Variants in DEPDC5 observed in about 807,000 individuals in gnomAD.
DEPDC5 encodes DEP domain containing 5, GATOR1 subcomplex subunit.
In DEPDC5, 73 loss-of-function variants were observed where a neutral mutation model predicts 217.3. That is an observed-to-expected ratio of 0.34 (90% CI 0.28 to 0.41). The LOEUF (loss-of-function observed/expected upper bound fraction) is 0.41, where lower values mean the gene tolerates loss of function less well. Ranked by LOEUF, DEPDC5 falls within the 10% of genes least tolerant of loss-of-function variation. The pLI, the probability that DEPDC5 is intolerant of heterozygous loss-of-function variation, is 1.00. For missense variants in DEPDC5, 1,675 were observed against 2,070.1 expected (o/e 0.81, Z 3.70); for synonymous variants, 733 against 756.7 (o/e 0.97, Z 0.51).
rs143365699 is a variant in DEPDC5 at position 31,781,023 on chromosome 22, C to A, written c.483+2855C>A. On this transcript the variant is annotated intron_variant, in intron 8 of 42. Coordinates refer to ENST00000651528, the MANE Select transcript of DEPDC5 (RefSeq NM_001242896.3). ...CCTGATGTCGGGAGTTTGAGACCAA[C>A]CTGACCAATATGGAGAAACCCCGTC... 6.0e-3 allele frequency among the ~76,000 whole-genome samples: 919 copies of A among 152,154 alleles called. 15 individuals are homozygous for A. Among genetic ancestry groups the A allele is most frequent in the African/African-American group, 0.021 (862 of 41,494 alleles).
chr22:31,810,995 G>A (rs764252722), intron 20 of DEPDC5, among the ~76,000 whole-genome samples: 6 of 151,940 alleles, frequency 3.9e-5, no homozygotes, highest in African/African-American at 1.5e-4. Context: ...GGCTGGTCTC[G>A]AACTCCCGAC....
chr22:31,830,732 C>G (rs1277232213), intron 24 of DEPDC5, among the ~76,000 whole-genome samples: 1 of 150,990 alleles, frequency 6.6e-6, no homozygotes, highest in Non-Finnish European at 1.5e-5. Flanking sequence ...CAAAGCTGCT[C>G]TGTTAAGTTG....
At chr22:31,777,386 G>GAGT (rs1425720044) in intron 7 of DEPDC5, among the ~76,000 whole-genome samples, 5 of 150,724 alleles carry the variant, frequency 3.3e-5, no homozygotes, top group Non-Finnish European at 7.4e-5. Context: ...TCAGCGTCCT[G>GAGT]AGTAGCTGAG....
At chr22:31,861,278 T>C in intron 32 of DEPDC5, 90 bp from the exon 33 acceptor site, 1 of 1,184,288 alleles carries the variant, frequency 8.4e-7, no homozygotes, top group South Asian at 1.3e-5. Flanking sequence ...TATACCTGTC[T>C]CCTTCCCCTG....
At chr22:31,890,727 A>T (rs2149361611) in intron 38 of DEPDC5, among the ~76,000 whole-genome samples, 2 of 150,318 alleles carry the variant, frequency 1.3e-5, no homozygotes, top group Non-Finnish European at 1.5e-5. Context: ...GATTTTTAAA[A>T]TTTTTATTTT....
chr22:31,848,255 C>T (rs564408632), intron 31 of DEPDC5, among the ~76,000 whole-genome samples: 1 of 152,248 alleles, frequency 6.6e-6, no homozygotes, highest in South Asian at 2.1e-4. Flanking sequence ...GGTGGATCTG[C>T]CATTCTGGGG....
intron 10 of DEPDC5, among the ~76,000 whole-genome samples, chr22:31,787,833 A>G (rs985728466): frequency 3.3e-5 from 5 of 151,482 alleles, no homozygotes; most frequent in Non-Finnish European, 5.9e-5. Flanking sequence ...AAAAAAAAGA[A>G]GAAGAAAAAA....
At chr22:31,849,742 C>CTG (rs2091926187) in intron 31 of DEPDC5, among the ~76,000 whole-genome samples, 1 of 151,690 alleles carries the variant, frequency 6.6e-6, no homozygotes, top group East Asian at 1.9e-4. Context: ...AATTGCACCA[C>CTG]TGCACTCCAG....
In DEPDC5 at chr22:31,869,419, G is replaced by A. The variant is rs192512513; in HGVS notation, c.3331-1171G>A. The stretch of plus-strand genomic sequence containing the variant: ...ATGGCCCTAAAGACTGATGGGATTA[G>A]CCAGGTGTGGTGGCTCCCACCTGTA... On this transcript the variant is annotated intron_variant, in intron 33 of 42. Transcript: ENST00000651528. Among the ~76,000 whole-genome samples, 492 of 152,070 alleles carry A rather than the reference G, an allele frequency of 3.2e-3. 2 individuals carry two copies. Among genetic ancestry groups the A allele is most frequent in the Non-Finnish European group, 5.0e-3 (341 of 67,974 alleles).
chr22:31,864,544 A>C, intron 33 of DEPDC5, among the ~76,000 whole-genome samples: 1 of 141,430 alleles, frequency 7.1e-6, no homozygotes, highest in African/African-American at 2.6e-5. Flanking sequence ...TTATTTATTT[A>C]CTGTGTGTAT....
chr22:31,843,353 G>A (rs1263327777), intron 28 of DEPDC5, 141 bp downstream of exon 28: 13 of 908,966 alleles, frequency 1.4e-5, no homozygotes, highest in Non-Finnish European at 1.7e-6. Flanking sequence ...TTGTTTCTAG[G>A]GTTATTTTAG....
At chr22:31,792,366 G>A (rs371533349) in intron 11 of DEPDC5, among the ~76,000 whole-genome samples, 4 of 152,240 alleles carry the variant, frequency 2.6e-5, no homozygotes, top group South Asian at 4.1e-4. Flanking sequence ...ACGACTTTGG[G>A]AGGCTGAGGT....
At chr22:31,855,924 T>A (rs1043123520) in intron 31 of DEPDC5, among the ~76,000 whole-genome samples, 4 of 152,118 alleles carry the variant, frequency 2.6e-5, no homozygotes, top group Non-Finnish European at 4.4e-5. Context: ...AGTGTCAGAA[T>A]TTAAGATAAG....
intron 20 of DEPDC5, chr22:31,814,733 C>G (rs2088863714): frequency 1.0e-5 from 5 of 491,308 alleles, no homozygotes; most frequent in Non-Finnish European, 1.8e-5. Flanking sequence ...TAGGTGGGGT[C>G]AGCCTGGAGC....
intron 38 of DEPDC5, chr22:31,879,980 G>T: frequency 1.8e-6 from 1 of 546,014 alleles, no homozygotes. Context: ...TCTCAAATCA[G>T]AACATAGTGC....
At chr22:31,765,389 A>G (rs2082723284) in intron 5 of DEPDC5, among the ~76,000 whole-genome samples, 1 of 152,108 alleles carries the variant, frequency 6.6e-6, no homozygotes, top group Non-Finnish European at 1.5e-5. Flanking sequence ...TCCCAGGTTC[A>G]AGCCATTCTC....
chr22:31,781,141 G>C (rs561161823), intron 8 of DEPDC5, among the ~76,000 whole-genome samples: 1 of 151,732 alleles, frequency 6.6e-6, no homozygotes, highest in African/African-American at 2.4e-5. Flanking sequence ...TCTTGAACCC[G>C]GGAGGCAGAG....
intron 20 of DEPDC5, among the ~76,000 whole-genome samples, chr22:31,811,494 CTTTCTT>C (rs1279113387): frequency 6.6e-6 from 1 of 151,178 alleles, no homozygotes; most frequent in Non-Finnish European, 1.5e-5. Flanking sequence ...ATGAACTTTT[CTTTCTT>C]TAAGTCCTGC....
At chr22:31,879,042 AAATATATAT>A (rs1021740165) in intron 37 of DEPDC5, among the ~76,000 whole-genome samples, 23 of 129,358 alleles carry the variant, frequency 1.8e-4, no homozygotes, top group East Asian at 1.3e-3. Flanking sequence ...AAAAAAAAAA[AAATATATAT>A]ATATATATAT....
Sources: gnomAD v4.1 joint callset for allele counts (sites outside exome capture counted in the v4.1 genomes callset) on GRCh38, gnomAD v4.1.1 for gene constraint, MANE v1.5 for transcripts, NCBI Gene and HGNC (gene_info 2026-07-23, HGNC 2026-07-21) for gene names.